The following MYO18A variants were observed in gnomAD, a reference collection of about 807,000 sequenced individuals.
The protein encoded by MYO18A is myosin XVIIIA, also known as unconventional myosin-XVIIIa.
In MYO18A, 78 loss-of-function variants were observed where a neutral mutation model predicts 235.8. The observed-to-expected ratio is 0.33, with a 90% CI of 0.28 to 0.40. The LOEUF is 0.40. Ranked by LOEUF, MYO18A falls within the 10% of genes least tolerant of loss-of-function variation. The pLI, the probability that MYO18A is intolerant of heterozygous loss-of-function variation, is 1.00. For synonymous variants in MYO18A, 977 were observed against 1,077.8 expected, an observed-to-expected ratio of 0.91 and a Z score of 1.83; for missense variants, 2,215 against 2,699.3, an observed-to-expected ratio of 0.82 and a Z score of 3.98.
At chr17:29,096,253 G>A (rs1255226992) in intron 28 of MYO18A, among the ~76,000 whole-genome samples, 5 of 152,194 alleles carry the variant, frequency 3.3e-5, no homozygotes, top group Admixed American at 1.3e-4. Context: ...TACTGCTAAT[G>A]AAGACGTCCC....
chr17:29,090,500 C>T (rs1238367938), intron 36 of MYO18A, 32 bp downstream of exon 36: 1 of 1,557,062 alleles, frequency 6.4e-7, no homozygotes, highest in Non-Finnish European at 8.7e-7. Flanking sequence ...CCCTGGCACT[C>T]TCTCTCTCCT....
At chr17:29,090,294 G>A in intron 36 of MYO18A, 196 bp from the exon 37 acceptor site, 1 of 700,602 alleles carries the variant, frequency 1.4e-6, no homozygotes, top group Admixed American at 2.9e-5. Context: ...TTGCCCTTCA[G>A]AGAGAAAGGA....
At chr17:29,123,956 G>A (rs2067258930) in intron 2 of MYO18A, among the ~76,000 whole-genome samples, 1 of 152,006 alleles carries the variant, frequency 6.6e-6, no homozygotes, top group South Asian at 2.1e-4. Context: ...GCTGAGGCAG[G>A]AGAATGGCGT....
At position 29,071,755 on chromosome 17, in the gene MYO18A, G is replaced by C. The variant is rs2065886321; in HGVS notation, c.*3015C>G. ...ATTATTTCCACATGGGTCTGCTCCAGCCCTCGTCCGCAAAACCCTGGAGGA... is the reference window on the plus strand; with the variant it reads ...ATTATTTCCACATGGGTCTGCTCCACCCCTCGTCCGCAAAACCCTGGAGGA... On this transcript the variant is annotated 3_prime_UTR_variant, in exon 42 of 42. Transcript: ENST00000527372. 6.6e-6 allele frequency: 1 copy of C among 152,160 alleles called. No homozygotes were observed. The highest frequency in any genetic ancestry group is 1.5e-5 in the Non-Finnish European group (1 of 68,050). 9.4% of individuals were successfully genotyped at this position (152,160 alleles called of 1,614,324 possible).
Position 29,140,852 on chromosome 17 carries a change from G to A in MYO18A, c.1000-18599C>T, listed in dbSNP as rs2067723928. 1.3e-5 allele frequency among the ~76,000 whole-genome samples: 2 copies of A among 152,174 alleles called. No homozygotes were observed. The highest frequency in any genetic ancestry group is 2.4e-5 in the African/African-American group (1 of 41,434). ...TGCACGAACATTCAATCAACACAGT[G>A]TTCTTGAGAACACCCAAATCATAGG... is the stretch of plus-strand genomic sequence containing the variant. On this transcript the variant is annotated intron_variant, in intron 2 of 41. Transcript: ENST00000527372. This position sits in a 1 kb window ranked among gnomAD's most constrained non-coding sequence, Gnocchi z 4.2.
chr17:29,155,619 C>T (rs1045836321), intron 2 of MYO18A: 1 of 152,322 alleles, frequency 6.6e-6, no homozygotes, highest in Non-Finnish European at 1.5e-5. Flanking sequence ...TTGCGGGACC[C>T]ACAGAGTACA....
Position 29,121,647 on chromosome 17 carries a change from G to T in MYO18A, c.1271C>A (p.Thr424Asn). 6.4e-7 allele frequency: 1 copy of T among 1,573,018 alleles called. No individual in the cohort carries two copies. Among genetic ancestry groups the T allele is most frequent in the Non-Finnish European group, 8.6e-7 (1 of 1,159,374 alleles). ...GCTAGCGCCATAGCGCTGGCGCAAG[G>T]TGTGCAGGACGCTGGACTCATTGAG... ...VYLNESSVLHTLRQRYGASLL... is the reference protein window; with the variant it reads ...VYLNESSVLHNLRQRYGASLL... The change falls in exon 5 of 42, where the codon ACC (threonine) becomes AAC (asparagine). Residue 424 changes from threonine to asparagine, a missense_variant. Physicochemically the swap from Thr to Asn is moderately conservative, Grantham distance 65 (BLOSUM62 0). Transcript: ENST00000527372. This position sits in a 1 kb window ranked among gnomAD's most constrained non-coding sequence, Gnocchi z 4.2.
chr17:29,085,687 G>A (rs367927922), intron 39 of MYO18A, 39 bp from the exon 40 acceptor site: 4 of 1,610,026 alleles, frequency 2.5e-6, no homozygotes, highest in Non-Finnish European at 3.4e-6. Flanking sequence ...GGGGTCCAGA[G>A]GAAACAGATG....
At chr17:29,135,276 A>AT (rs1254493907) in intron 2 of MYO18A, among the ~76,000 whole-genome samples, 3 of 151,486 alleles carry the variant, frequency 2.0e-5, no homozygotes, top group South Asian at 2.1e-4. Context: ...AATTTTTTGT[A>AT]TTTTTTTAGT....
Position 29,093,393 on chromosome 17 carries a change from T to C in MYO18A, c.4856A>G (p.Tyr1619Cys), listed in dbSNP as rs1350670316. Residue 1619 changes from tyrosine to cysteine, a missense_variant, in exon 32 of 42, where the codon TAT (tyrosine) becomes TGT (cysteine). Coordinates refer to ENST00000527372, the MANE Select transcript of MYO18A (RefSeq NM_078471.4). ...TCGCAGAACCTTCTGCTTGTCCTCA[T>C]ACTCTTCCTCTAGCTGCACCTCCAT... ...KQMEVQLEEE[Y>C]EDKQKVLREK... 1.2e-6 allele frequency: 2 copies of C among 1,612,230 alleles called. No individual in the cohort carries two copies. Among genetic ancestry groups the C allele is most frequent in the Admixed American group, 1.7e-5 (1 of 59,970 alleles).
Position 29,173,732 on chromosome 17 carries a change from C to T in MYO18A, c.-82+6581G>A, listed in dbSNP as rs576902981. On this transcript the variant is annotated intron_variant, in intron 1 of 41. Transcript: ENST00000527372. ...AAAACCTCAATTACTTTTGCACCAA[C>T]TAATGTATTTTCAGAGGTCAAGTCA... is the stretch of plus-strand genomic sequence containing the variant. Among the ~76,000 whole-genome samples the T allele has an allele frequency of 1.8e-4, 27 of 152,206 alleles. No homozygotes were observed. In the East Asian group the frequency reaches 5.2e-3, roughly 29 times the overall value.
In MYO18A at chr17:29,118,498, C is replaced by T. The variant is rs574352412; in HGVS notation, c.1830-58G>A. On this transcript the variant is annotated intron_variant, in intron 8 of 41. Coordinates refer to ENST00000527372, the MANE Select transcript of MYO18A (RefSeq NM_078471.4). This position sits in a 1 kb window ranked among gnomAD's most constrained non-coding sequence, Gnocchi z 4.2. ...TTGGTCCCCATGCCAAGGCCATTTC[C>T]GCCCAGGGTGGAGACAGACAGACTC... 1.8e-5 allele frequency: 27 copies of T among 1,494,568 alleles called. No individual in the cohort carries two copies. In the Middle Eastern group the frequency reaches 6.9e-4, roughly 38 times the overall value. 92.6% of individuals were successfully genotyped at this position (1,494,568 alleles called of 1,614,324 possible).
chr17:29,177,517 C>T (rs1414926489), intron 1 of MYO18A, among the ~76,000 whole-genome samples: 1 of 152,146 alleles, frequency 6.6e-6, no homozygotes, highest in Non-Finnish European at 1.5e-5. Context: ...GCTCCTACCT[C>T]GGCACCTCCC....
At chr17:29,119,520 T>C (rs1251291898) in intron 7 of MYO18A, 85 bp from the exon 8 acceptor site, 4 of 943,292 alleles carry the variant, frequency 4.2e-6, no homozygotes, top group Non-Finnish European at 6.4e-6. Context: ...ATCAAACACA[T>C]GGTCCTCTAG....
At chr17:29,146,095 TA>T (rs2067842759) in intron 2 of MYO18A, among the ~76,000 whole-genome samples, 1 of 151,850 alleles carries the variant, frequency 6.6e-6, no homozygotes, top group African/African-American at 2.4e-5. Flanking sequence ...CCGTCTCTAC[TA>T]AAAATACAAA....
At chr17:29,119,951 C>CT (rs1486562012) in intron 7 of MYO18A, among the ~76,000 whole-genome samples, 1 of 152,124 alleles carries the variant, frequency 6.6e-6, no homozygotes, top group Non-Finnish European at 1.5e-5. Context: ...TCACAGCTCG[C>CT]TGCAGCCTTA....
chr17:29,168,249 A>C (rs1166592925), intron 1 of MYO18A, among the ~76,000 whole-genome samples: 3 of 152,114 alleles, frequency 2.0e-5, no homozygotes, highest in Non-Finnish European at 4.4e-5. Context: ...CCAACACCTA[A>C]ATATAGCCCC....
chr17:29,127,864 A>T, intron 2 of MYO18A: 1 of 989,222 alleles, frequency 1.0e-6, no homozygotes, highest in East Asian at 1.1e-4. Context: ...CCTGCTTCAC[A>T]CCAGGGACTG....
intron 7 of MYO18A, among the ~76,000 whole-genome samples, chr17:29,119,910 C>T (rs1197338164): frequency 6.6e-6 from 1 of 151,970 alleles, no homozygotes; most frequent in African/African-American, 2.4e-5. Context: ...GGGTCTCGCT[C>T]TGTTGCCCAG....
Sources: allele counts gnomAD v4.1 joint callset (sites outside exome capture counted in the v4.1 genomes callset), GRCh38; gene constraint gnomAD v4.1.1; non-coding constraint Gnocchi (gnomAD v3.1); transcripts MANE v1.5; gene names NCBI Gene and HGNC (gene_info 2026-07-23, HGNC 2026-07-21).